COL6A5: variants seen among roughly 807,000 people sequenced by gnomAD.
COL6A5 encodes the protein collagen alpha-5(VI) chain.
A neutral mutation model predicts 65.6 loss-of-function variants in COL6A5; 48 were observed. That is an observed-to-expected ratio of 0.73 (90% CI 0.58 to 0.93). COL6A5 has a LOEUF of 0.93. COL6A5 is among the 40% of genes least tolerant of loss of function. COL6A5 has a pLI of 0.00. For missense variants in COL6A5, 914 were observed against 928.3 expected (o/e 0.98, Z 0.20); for synonymous variants, 291 against 322.8 (o/e 0.90, Z 1.05).
Position 130,413,412 on chromosome 3 carries a change from A to G in COL6A5, c.4663-133A>G. Reference sequence around the variant, plus strand: ...CCAGTGTGAAAGCTTGTCTATGGAAAATGCCTCAGGGAAACTGTTTCTGTG... The same window carrying G: ...CCAGTGTGAAAGCTTGTCTATGGAAGATGCCTCAGGGAAACTGTTTCTGTG... On this transcript the variant is annotated intron_variant and NMD_transcript_variant, in intron 20 of 41. Coordinates refer to the COL6A5 transcript ENST00000312481. 3 of 788,702 alleles carry G rather than the reference A, an allele frequency of 3.8e-6. No individual in the cohort carries two copies. In the East Asian group the frequency reaches 8.1e-5, roughly 21 times the overall value. The allele number at this position is 788,702 out of a possible 1,614,324, so 48.9% of individuals were successfully genotyped here.
chr3:130,403,701 C>T (rs1233839893), intron 13 of COL6A5, 39 bp downstream of exon 13: 2 of 1,381,678 alleles, frequency 1.4e-6, no homozygotes, highest in Non-Finnish European at 2.0e-6. Flanking sequence ...CTGTTGCACA[C>T]ACACTGTACA....
At chr3:130,378,817 C>T (rs1277541337) in intron 3 of COL6A5, among the ~76,000 whole-genome samples, 1 of 152,168 alleles carries the variant, frequency 6.6e-6, no homozygotes, top group Non-Finnish European at 1.5e-5. Flanking sequence ...TAAGTTAACC[C>T]TCCCTTAACC....
chr3:130,464,375 C>T (rs1285358462), intron 5 of COL6A5, among the ~76,000 whole-genome samples: 1 of 152,036 alleles, frequency 6.6e-6, no homozygotes, highest in Non-Finnish European at 1.5e-5. Context: ...TCAAGCGATC[C>T]TCCCACCTCT....
chr3:130,380,725 G>C (rs1170229246), intron 4 of COL6A5, among the ~76,000 whole-genome samples: 2 of 152,238 alleles, frequency 1.3e-5, no homozygotes, highest in African/African-American at 2.4e-5. Flanking sequence ...TCTAGTGGCT[G>C]TCATATTGAA....
intron 1 of COL6A5, among the ~76,000 whole-genome samples, chr3:130,433,567 A>T (rs961582577): frequency 6.6e-6 from 1 of 151,656 alleles, no homozygotes; most frequent in African/African-American, 2.4e-5. Flanking sequence ...CCTGCCTTGC[A>T]CTCTTCTCCA....
chr3:130,413,565 A>G, exon 21 of COL6A5: 1 of 1,548,060 alleles, frequency 6.5e-7, no homozygotes, highest in Non-Finnish European at 8.7e-7. Flanking sequence ...GTCAAAGGGG[A>G]CTCCGAGGTG....
At chr3:130,413,273 C>G (rs1194477172) in intron 20 of COL6A5, among the ~76,000 whole-genome samples, 1 of 148,022 alleles carries the variant, frequency 6.8e-6, no homozygotes, top group Non-Finnish European at 1.5e-5. Context: ...TGATTTGATT[C>G]TCTAAACAGC....
At chr3:130,365,975 T>C (rs1404581432) in intron 1 of COL6A5, among the ~76,000 whole-genome samples, 1 of 152,170 alleles carries the variant, frequency 6.6e-6, no homozygotes, top group East Asian at 1.9e-4. Flanking sequence ...AGCCACATTT[T>C]GTTTTCTCAG....
chr3:130,433,430 G>A (rs1321693990), intron 1 of COL6A5, among the ~76,000 whole-genome samples: 2 of 152,290 alleles, frequency 1.3e-5, no homozygotes, highest in African/African-American at 4.8e-5. Flanking sequence ...CATATCTACA[G>A]AGAAGGTGAC....
In COL6A5 at chr3:130,405,576, T is replaced by G. The variant is rs1236588507; in HGVS notation, c.4282-12T>G. 2.6e-6 allele frequency: 4 copies of G among 1,549,078 alleles called. No homozygotes were observed. Among genetic ancestry groups the G allele is most frequent in the Non-Finnish European group, 3.5e-6 (4 of 1,144,804 alleles). ...CATCACTTTGGGTACCTGTCTGTGCTCCTTTTCTTAGGGAGTACGAGGAGA... is the reference window on the plus strand; with the variant it reads ...CATCACTTTGGGTACCTGTCTGTGCGCCTTTTCTTAGGGAGTACGAGGAGA... On this transcript the variant is annotated splice_polypyrimidine_tract_variant and intron_variant and NMD_transcript_variant, in intron 13 of 41. Coordinates refer to the COL6A5 transcript ENST00000312481.
At chr3:130,376,917 T>C in intron 3 of COL6A5, 81 bp downstream of exon 3, 4 of 1,399,962 alleles carry the variant, frequency 2.9e-6, no homozygotes, top group Non-Finnish European at 3.8e-6. Flanking sequence ...GCAACTCATG[T>C]TAGGTTTTCA....
At chr3:130,385,880 A>G (rs2123566) in intron 5 of COL6A5, among the ~76,000 whole-genome samples, 10,673 of 152,126 alleles carry the variant, frequency 0.07, 816 homozygotes, top group East Asian at 0.33. Flanking sequence ...GTTGAGCACC[A>G]TAAATGCCAA....
At chr3:130,447,267 A>G (rs895795341) in intron 4 of COL6A5, among the ~76,000 whole-genome samples, 2 of 152,152 alleles carry the variant, frequency 1.3e-5, no homozygotes, top group African/African-American at 4.8e-5. Flanking sequence ...AGACATGCAC[A>G]TATGACAGTC....
Position 130,440,150 on chromosome 3 carries a change from C to A in COL6A5, c.582-16C>A. The A allele has an allele frequency of 6.3e-7, 1 of 1,596,442 alleles. No individual in the cohort carries two copies. Among genetic ancestry groups the A allele is most frequent in the South Asian group, 1.1e-5 (1 of 87,790 alleles). ...TCAGTGTTGAACCAATGATGTGTCT[C>A]TCTGTGTGTTTTCAGATAAATGTTT... is the stretch of plus-strand genomic sequence containing the variant. On this transcript the variant is annotated splice_polypyrimidine_tract_variant and intron_variant, in intron 2 of 7. Transcript: ENST00000512836.
At chr3:130,380,500 C>T (rs1935960438) in intron 4 of COL6A5, among the ~76,000 whole-genome samples, 1 of 152,014 alleles carries the variant, frequency 6.6e-6, no homozygotes, top group Non-Finnish European at 1.5e-5. Flanking sequence ...CACACATAGA[C>T]AAATACACAG....
chr3:130,415,939 T>C (rs1310055680), intron 23 of COL6A5, among the ~76,000 whole-genome samples: 1 of 152,130 alleles, frequency 6.6e-6, no homozygotes, highest in Non-Finnish European at 1.5e-5. Context: ...TTCATCAGCC[T>C]AAAGAAAGCA....
rs181604393 is a variant in COL6A5 at position 130,423,500 on chromosome 3, A to G, written c.5101-338A>G. Among the ~76,000 whole-genome samples, 361 of 151,596 alleles carry G rather than the reference A, an allele frequency of 2.4e-3. 1 individual carries two copies. Among genetic ancestry groups the G allele is most frequent in the African/African-American group, 7.8e-3 (321 of 41,312 alleles). On this transcript the variant is annotated intron_variant and NMD_transcript_variant, in intron 28 of 41. Coordinates refer to the COL6A5 transcript ENST00000312481. The stretch of plus-strand genomic sequence containing the variant: ...TGTAGGGAATCATTTTTCTTATTTG[A>G]TCTTTTACAGATGGGAGGTTTCTCA...
upstream of COL6A5, chr3:130,426,464 A>G: frequency 2.0e-6 from 3 of 1,491,938 alleles, no homozygotes; most frequent in Non-Finnish European, 2.7e-6. Flanking sequence ...TTAGGACTGT[A>G]TGCAGTGTGG....
chr3:130,461,763 C>CT lies in COL6A5; in HGVS notation c.1544+6109dup, dbSNP rs112604546. Among the ~76,000 whole-genome samples, 1,128 of 147,732 alleles carry CT rather than the reference C, an allele frequency of 7.6e-3. 15 individuals are homozygous for CT. The highest frequency in any genetic ancestry group is 0.022 in the African/African-American group (891 of 40,556). ...AATTCTATTTTTAAATTTAAATTAA[C>CT]TTTTTTTTTTTTAAAAAAAACCTTC... On this transcript the variant is annotated intron_variant, in intron 5 of 7. Coordinates refer to ENST00000512836, the Ensembl canonical transcript of COL6A5.
Sources: gnomAD v4.1 joint callset for allele counts (sites outside exome capture counted in the v4.1 genomes callset) on GRCh38, gnomAD v4.1.1 for gene constraint, MANE v1.5 for transcripts, NCBI Gene and HGNC (gene_info 2026-07-23, HGNC 2026-07-21) for gene names.